The following ATE1 variants were observed in gnomAD, a reference collection of about 807,000 sequenced individuals.
ATE1 encodes the protein arginyltransferase 1.
In ATE1, 36 loss-of-function variants were observed where a neutral mutation model predicts 70.5. The observed-to-expected ratio is 0.51, with a 90% CI of 0.39 to 0.67. ATE1 has a LOEUF of 0.67. Among genes scored for constraint, ATE1 ranks in the 30% least tolerant of loss-of-function variants. ATE1 has a pLI of 0.00. For synonymous variants in ATE1, 232 were observed against 219.3 expected (o/e 1.06, Z -0.51); for missense variants, 593 against 629.5 (o/e 0.94, Z 0.62).
At position 121,911,755 on chromosome 10, in the gene ATE1, CT is replaced by C. The variant is rs34274038; in HGVS notation, c.338-605del. ...ACTGTTATGTGAGGAAAGAAACAGA[CT>C]TTTTTTTTTTTGAGGAGTCTCCCTC... On this transcript the variant is annotated intron_variant, in intron 4 of 11. Transcript: ENST00000224652. Among the ~76,000 whole-genome samples, 1,127 of 129,454 alleles carry C rather than the reference CT, an allele frequency of 8.7e-3. 26 individuals carry two copies. Among genetic ancestry groups the C allele is most frequent in the African/African-American group, 0.027 (1,026 of 38,436 alleles). 84.9% of individuals were successfully genotyped at this position (129,454 alleles called of 152,430 possible). A position where few individuals can be genotyped will look rare whatever the true frequency, so the allele number is the denominator to read the frequency against.
At chr10:121,913,967 TA>T in intron 3 of ATE1, 74 bp from the exon 4 acceptor site, 2 of 1,128,410 alleles carry the variant, frequency 1.8e-6, no homozygotes, top group Non-Finnish European at 2.5e-6. Flanking sequence ...GGATATCACC[TA>T]GTACAATGAG....
At chr10:121,879,189 C>T (rs1165276602) in intron 7 of ATE1, among the ~76,000 whole-genome samples, 1 of 152,146 alleles carries the variant, frequency 6.6e-6, no homozygotes, top group Non-Finnish European at 1.5e-5. Flanking sequence ...GTGTTCCGGC[C>T]TCATCAGTGT....
chr10:121,815,751 C>T (rs963447802), intron 10 of ATE1, among the ~76,000 whole-genome samples: 13 of 152,188 alleles, frequency 8.5e-5, no homozygotes, highest in African/African-American at 2.9e-4. Context: ...CCCACAGAAG[C>T]GCTGCAACCG....
chr10:121,916,368 T>C (rs1284949641), intron 3 of ATE1, among the ~76,000 whole-genome samples: 11 of 152,174 alleles, frequency 7.2e-5, no homozygotes, highest in African/African-American at 2.4e-4. Context: ...AGAAAAATTA[T>C]TTTCATCCTG....
intron 8 of ATE1, among the ~76,000 whole-genome samples, chr10:121,844,190 A>G (rs1948732145): frequency 6.6e-6 from 1 of 152,264 alleles, no homozygotes; most frequent in Admixed American, 6.5e-5. Context: ...CTCTGAGCCC[A>G]GGAGTTCAAG....
At chr10:121,762,403 A>G (rs553494787) in intron 11 of ATE1, among the ~76,000 whole-genome samples, 128 of 152,272 alleles carry the variant, frequency 8.4e-4, no homozygotes, top group African/African-American at 3.0e-3. Context: ...AATCCTCAGG[A>G]GACTTGATAA....
intron 10 of ATE1, among the ~76,000 whole-genome samples, chr10:121,806,946 T>A (rs1005893059): frequency 6.6e-6 from 1 of 152,194 alleles, no homozygotes; most frequent in Non-Finnish European, 1.5e-5. Context: ...CCAGCATGCA[T>A]TTGTGCTCCC....
At chr10:121,867,628 C>T (rs1194094208) in intron 8 of ATE1, among the ~76,000 whole-genome samples, 1 of 152,118 alleles carries the variant, frequency 6.6e-6, no homozygotes, top group Non-Finnish European at 1.5e-5. Flanking sequence ...CCACTGTGGG[C>T]CCTTTACTGG....
intron 11 of ATE1, among the ~76,000 whole-genome samples, chr10:121,788,515 T>C (rs1460763778): frequency 6.6e-6 from 1 of 152,152 alleles, no homozygotes; most frequent in Non-Finnish European, 1.5e-5. Context: ...ACAAAATACA[T>C]TACATGGGCC....
chr10:121,885,737 T>G (rs1397722240), intron 7 of ATE1, among the ~76,000 whole-genome samples: 1 of 151,514 alleles, frequency 6.6e-6, no homozygotes, highest in Non-Finnish European at 1.5e-5. Context: ...CTGTCCCTAC[T>G]AAAAATACAA....
At chr10:121,859,309 T>G (rs997809200) in intron 8 of ATE1, among the ~76,000 whole-genome samples, 1 of 150,428 alleles carries the variant, frequency 6.6e-6, no homozygotes, top group Non-Finnish European at 1.5e-5. Context: ...CAGGCTGGAG[T>G]GCAGTGGCGG....
rs141225042 is a variant in ATE1, at chr10:121,856,540, T to C, written c.975+13466A>G. On this transcript the variant is annotated intron_variant, in intron 8 of 11. Coordinates refer to ENST00000224652, the MANE Select transcript of ATE1 (RefSeq NM_001001976.3). The stretch of plus-strand genomic sequence containing the variant: ...GCCAGAATCTGTCTCAAAAAGATAA[T>C]AGTAATAATATAGACATCTTGCAGG... 7.2e-4 allele frequency among the ~76,000 whole-genome samples: 110 copies of C among 152,164 alleles called. 1 individual carries two copies. The highest frequency in any genetic ancestry group is 2.6e-3 in the African/African-American group (107 of 41,520).
chr10:121,761,976 C>T (rs1477339620), intron 11 of ATE1, among the ~76,000 whole-genome samples: 1 of 152,148 alleles, frequency 6.6e-6, no homozygotes, highest in African/African-American at 2.4e-5. Context: ...TACTTAATGG[C>T]CATTCCCTCA....
intron 10 of ATE1, among the ~76,000 whole-genome samples, chr10:121,833,262 A>T (rs1271844790): frequency 3.3e-5 from 5 of 151,928 alleles, no homozygotes; most frequent in Non-Finnish European, 7.4e-5. Context: ...CCTATTTGTA[A>T]AGGGGAAGCC....
intron 8 of ATE1, among the ~76,000 whole-genome samples, chr10:121,860,315 T>C (rs1433453084): frequency 6.6e-6 from 1 of 152,196 alleles, no homozygotes; most frequent in Non-Finnish European, 1.5e-5. Flanking sequence ...AACTCTCAGT[T>C]TAGTGTCTGT....
chr10:121,839,093 C>A (rs1948534959), intron 9 of ATE1, among the ~76,000 whole-genome samples: 1 of 152,158 alleles, frequency 6.6e-6, no homozygotes, highest in Non-Finnish European at 1.5e-5. Flanking sequence ...CTCATCTTCT[C>A]AAGAGCACCA....
intron 2 of ATE1, among the ~76,000 whole-genome samples, chr10:121,923,095 C>T (rs565787576): frequency 6.6e-6 from 1 of 152,302 alleles, no homozygotes; most frequent in South Asian, 2.1e-4. Context: ...CCTCAAATAC[C>T]TCTCAGCCAT....
intron 11 of ATE1, among the ~76,000 whole-genome samples, chr10:121,764,235 A>G (rs1945179925): frequency 6.6e-6 from 1 of 152,036 alleles, no homozygotes; most frequent in African/African-American, 2.4e-5. Context: ...ATTAAAAAAA[A>G]TGTAAGCCAT....
chr10:121,903,597 G>A (rs1167753377), intron 5 of ATE1, among the ~76,000 whole-genome samples: 1 of 152,044 alleles, frequency 6.6e-6, no homozygotes, highest in Non-Finnish European at 1.5e-5. Flanking sequence ...TGAGGCATTA[G>A]AATCACTTGA....
Sources: allele counts gnomAD v4.1 joint callset (sites outside exome capture counted in the v4.1 genomes callset), GRCh38; gene constraint gnomAD v4.1.1; transcripts MANE v1.5; gene names NCBI Gene and HGNC (gene_info 2026-07-23, HGNC 2026-07-21).